STON1: variants seen among roughly 807,000 people sequenced by gnomAD.
The protein encoded by STON1 is stonin 1.
In STON1, 79 loss-of-function variants were observed where a neutral mutation model predicts 60.9. That is an observed-to-expected ratio of 1.30 (90% confidence interval 1.08 to 1.56). The LOEUF (loss-of-function observed/expected upper bound fraction) is 1.56, where lower values mean the gene tolerates loss of function less well. Ranked by LOEUF, STON1 falls within the 40% of genes most tolerant of loss-of-function variation. The probability of loss-of-function intolerance (pLI) is 0.00; values close to 1 mark genes in which losing one functional copy is unlikely to be tolerated. For missense variants in STON1, 1,166 were observed against 858.9 expected (o/e 1.36, Z -4.47); for synonymous variants, 363 against 306.9 (o/e 1.18, Z -1.91).
chr2:48,558,965 G>T (rs551163733), intron 1 of STON1, among the ~76,000 whole-genome samples: 3 of 152,146 alleles, frequency 2.0e-5, no homozygotes. Context: ...GGACCTTTTC[G>T]AATGCTGACC....
At chr2:48,570,540 C>G (rs571305732) in intron 1 of STON1, among the ~76,000 whole-genome samples, 1 of 152,048 alleles carries the variant, frequency 6.6e-6, no homozygotes, top group Non-Finnish European at 1.5e-5. Context: ...TCCAAGAGCA[C>G]GTGCTAGGCT....
chr2:48,557,134 C>T (rs1468171839), intron 1 of STON1, among the ~76,000 whole-genome samples: 15 of 101,782 alleles, frequency 1.5e-4, no homozygotes, highest in South Asian at 4.4e-4. Context: ...CCTCACTTCC[C>T]AGATGGGGTG....
chr2:48,568,154 G>A (rs1289496130), intron 1 of STON1, among the ~76,000 whole-genome samples: 1 of 152,142 alleles, frequency 6.6e-6, no homozygotes, highest in Non-Finnish European at 1.5e-5. Context: ...CTGATACCAG[G>A]AGGCTACTGA....
chr2:48,582,863 G>A (rs894860879), intron 2 of STON1, among the ~76,000 whole-genome samples: 2 of 152,174 alleles, frequency 1.3e-5, no homozygotes, highest in Non-Finnish European at 2.9e-5. Context: ...CCATGGTTGA[G>A]ATTAACGCAT....
intron 1 of STON1, among the ~76,000 whole-genome samples, chr2:48,577,092 T>G (rs1332645958): frequency 6.6e-6 from 1 of 151,964 alleles, no homozygotes; most frequent in Non-Finnish European, 1.5e-5. Context: ...AAATACCGTT[T>G]GCAAATATTT....
chr2:48,559,900 G>T (rs1043004725), intron 1 of STON1, among the ~76,000 whole-genome samples: 1 of 152,174 alleles, frequency 6.6e-6, no homozygotes, highest in Non-Finnish European at 1.5e-5. Flanking sequence ...CAATGGTAGA[G>T]ATCCTGGGTG....
At chr2:48,553,333 A>G (rs1672178609) in intron 1 of STON1, among the ~76,000 whole-genome samples, 1 of 151,624 alleles carries the variant, frequency 6.6e-6, no homozygotes, top group Non-Finnish European at 1.5e-5. Context: ...TCAGGGGGCA[A>G]ATACCTCTCT....
chr2:48,569,469 G>C (rs980527588), intron 1 of STON1, among the ~76,000 whole-genome samples: 3 of 152,182 alleles, frequency 2.0e-5, no homozygotes, highest in Non-Finnish European at 4.4e-5. Flanking sequence ...GGGAAGTAGA[G>C]AGACTTAATT....
intron 1 of STON1, among the ~76,000 whole-genome samples, chr2:48,534,558 C>G (rs550749941): frequency 3.8e-4 from 58 of 152,240 alleles, no homozygotes; most frequent in African/African-American, 1.3e-3. Context: ...GTGGCTCATG[C>G]CTATAATCTC....
Position 48,564,566 on chromosome 2 carries a change from TC to T in STON1, c.-47-16020del, listed in dbSNP as rs1558605633. Among the ~76,000 whole-genome samples the T allele has an allele frequency of 3.2e-4, 17 of 53,162 alleles. 2 individuals carry two copies. Among genetic ancestry groups the T allele is most frequent in the Non-Finnish European group, 6.3e-4 (17 of 26,812 alleles). The allele number at this position is 53,162 out of a possible 152,430, so 34.9% of individuals were successfully genotyped here. On this transcript the variant is annotated intron_variant, in intron 1 of 3. Transcript: ENST00000404752. The stretch of plus-strand genomic sequence containing the variant: ...TTCTTCTTCTTCTTCTTCTTCTTCT[TC>T]TCCTTCTCCTTCTCCTCCTCCTCCT...
At chr2:48,562,689 A>C (rs994293930) in intron 1 of STON1, among the ~76,000 whole-genome samples, 5 of 152,154 alleles carry the variant, frequency 3.3e-5, no homozygotes, top group African/African-American at 9.7e-5. Context: ...TTTTGGGTTG[A>C]GCCTTTGCTG....
intron 1 of STON1, among the ~76,000 whole-genome samples, chr2:48,535,049 T>A (rs997888658): frequency 2.6e-5 from 4 of 152,100 alleles, no homozygotes; most frequent in African/African-American, 4.8e-5. Context: ...AGGGCAAGAT[T>A]TTTAAAGTAG....
rs1452609460 is a variant in STON1, at chr2:48,590,249, A to G, written c.1931-1404A>G. Among the ~76,000 whole-genome samples, 6 of 152,336 alleles carry G rather than the reference A, an allele frequency of 3.9e-5. No homozygotes were observed. In the East Asian group the frequency reaches 1.2e-3, roughly 29 times the overall value. ...CCACTGTTGTCCTACCCTTCCTGTA[A>G]GTGGTAGAGATGGCTAATGAGCATC... On this transcript the variant is annotated intron_variant, in intron 2 of 3. Transcript: ENST00000404752.
At chr2:48,584,362 G>A (rs1674076748) in intron 2 of STON1, among the ~76,000 whole-genome samples, 1 of 151,936 alleles carries the variant, frequency 6.6e-6, no homozygotes, top group Non-Finnish European at 1.5e-5. Flanking sequence ...CTGCCTCCCA[G>A]GTTCAAGTGA....
Position 48,581,061 on chromosome 2 carries a change from C to G in STON1, c.428C>G (p.Thr143Arg). Residue 143 changes from threonine (T) to arginine (R), a missense_variant, in exon 2 of 4, where the codon ACA becomes AGA. Physicochemically the swap from Thr to Arg is moderately conservative, Grantham distance 71. Coordinates refer to ENST00000404752, the MANE Select transcript of STON1 (RefSeq NM_006873.4). ...HALLPSDHSC[T>R]HPTPKVGLPD... ...TTGTTACCCAGTGACCACTCATGTA[C>G]ACATCCAACTCCCAAAGTAGGTCTT... 1 of 1,595,226 alleles carries G rather than the reference C, an allele frequency of 6.3e-7. No homozygotes were observed.
intron 1 of STON1, among the ~76,000 whole-genome samples, chr2:48,545,885 A>C (rs1671845060): frequency 6.6e-6 from 1 of 152,206 alleles, no homozygotes; most frequent in African/African-American, 2.4e-5. Flanking sequence ...GCTAAGGCTG[A>C]CATTACTTTC....
chr2:48,543,070 G>C (rs2103761517), intron 1 of STON1, among the ~76,000 whole-genome samples: 1 of 150,722 alleles, frequency 6.6e-6, no homozygotes, highest in South Asian at 2.1e-4. Context: ...TGCTTCCTGG[G>C]TTTAAGCGAT....
intron 1 of STON1, among the ~76,000 whole-genome samples, chr2:48,573,359 C>G (rs749639285): frequency 2.0e-5 from 3 of 152,226 alleles, no homozygotes; most frequent in Non-Finnish European, 2.9e-5. Flanking sequence ...TATCCCAGCA[C>G]TAAAGCCCAT....
chr2:48,533,117 C>T (rs1272608969), intron 1 of STON1, among the ~76,000 whole-genome samples: 1 of 152,100 alleles, frequency 6.6e-6, no homozygotes, highest in Non-Finnish European at 1.5e-5. Context: ...GGCGCGGTGG[C>T]TTCCGCTTGT....
Sources: allele counts gnomAD v4.1 joint callset (sites outside exome capture counted in the v4.1 genomes callset), GRCh38; gene constraint gnomAD v4.1.1; transcripts MANE v1.5; gene names NCBI Gene and HGNC (gene_info 2026-07-23, HGNC 2026-07-21).